Variants in URI1 observed in about 807,000 individuals in gnomAD.
The protein encoded by URI1 is URI1 prefoldin like chaperone, also known as unconventional prefoldin RPB5 interactor 1.
Under a neutral mutation model 60.2 loss-of-function variants are expected in URI1, and 39 were observed. That is an observed-to-expected ratio of 0.65 (90% CI 0.50 to 0.85). URI1 has a LOEUF of 0.85. Among genes scored for constraint, URI1 ranks in the 40% least tolerant of loss-of-function variants. The probability of loss-of-function intolerance (pLI) is 0.00; values close to 1 mark genes in which losing one functional copy is unlikely to be tolerated. For missense variants in URI1, 691 were observed against 665.9 expected, an observed-to-expected ratio of 1.04 and a Z score of -0.42; for synonymous variants, 251 against 236.8, an observed-to-expected ratio of 1.06 and a Z score of -0.55.
upstream of URI1, among the ~76,000 whole-genome samples, chr19:29,938,914 G>A (rs2145211635): frequency 6.6e-6 from 1 of 151,086 alleles, no homozygotes; most frequent in Admixed American, 6.6e-5. Context: ...CTGACCTCAG[G>A]ATCTGCCCAC....
upstream of URI1, chr19:29,937,883 G>C (rs2054987197): frequency 6.6e-6 from 1 of 152,158 alleles, no homozygotes; most frequent in South Asian, 2.1e-4. Context: ...CTCATGGTAG[G>C]GTGAGGGCTG....
At chr19:29,939,791 C>A (rs949011202), upstream of URI1, among the ~76,000 whole-genome samples, 5 of 152,116 alleles carry the variant, frequency 3.3e-5, no homozygotes, top group Admixed American at 2.0e-4. Context: ...TGCAAAGGCC[C>A]TGAGGCAGGA....
intron 4 of URI1, among the ~76,000 whole-genome samples, chr19:29,996,258 TTG>T (rs1198326195): frequency 4.6e-5 from 7 of 152,218 alleles, no homozygotes; most frequent in Non-Finnish European, 8.8e-5. Flanking sequence ...ATCTATTTAT[TTG>T]TGTCTTATTT....
At chr19:29,938,987 T>TA, upstream of URI1, among the ~76,000 whole-genome samples, 1 of 150,164 alleles carries the variant, frequency 6.7e-6, no homozygotes, top group South Asian at 2.1e-4. Flanking sequence ...ACCATTTTTT[T>TA]TTTTTTCTGA....
intron 4 of URI1, among the ~76,000 whole-genome samples, chr19:29,994,941 C>A (rs79965439): frequency 6.6e-6 from 1 of 151,868 alleles, no homozygotes; most frequent in Non-Finnish European, 1.5e-5. Context: ...CCACCATGCC[C>A]GACTAATTTT....
At chr19:29,944,644 TTGAC>T (rs773438647) in intron 1 of URI1, among the ~76,000 whole-genome samples, 43 of 152,288 alleles carry the variant, frequency 2.8e-4, no homozygotes, top group East Asian at 2.5e-3. Context: ...TCTGTAGACA[TTGAC>T]TGTGCTACCA....
At chr19:30,003,893 A>G (rs1299897622) in intron 4 of URI1, among the ~76,000 whole-genome samples, 1 of 152,082 alleles carries the variant, frequency 6.6e-6, no homozygotes. Flanking sequence ...GGTTAGACAC[A>G]TTATCTGACT....
intron 2 of URI1, among the ~76,000 whole-genome samples, chr19:29,973,060 A>G (rs2055478395): frequency 6.6e-6 from 1 of 152,150 alleles, no homozygotes; most frequent in Non-Finnish European, 1.5e-5. Flanking sequence ...CCAGTAAATT[A>G]ATCAATTCAT....
chr19:29,928,302 C>T (rs764408492), intron 1 of URI1, among the ~76,000 whole-genome samples: 1 of 152,106 alleles, frequency 6.6e-6, no homozygotes, highest in Non-Finnish European at 1.5e-5. Flanking sequence ...AACTTCCCAC[C>T]GCCCAGGTCA....
chr19:30,013,639 G>C (rs573354805), intron 10 of URI1, among the ~76,000 whole-genome samples: 1 of 152,254 alleles, frequency 6.6e-6, no homozygotes, highest in Non-Finnish European at 1.5e-5. Context: ...GTATGGAAAT[G>C]TTTAATAGTA....
chr19:29,934,581 G>A (rs1273856103), intron 1 of URI1, among the ~76,000 whole-genome samples: 1 of 152,158 alleles, frequency 6.6e-6, no homozygotes, highest in Non-Finnish European at 1.5e-5. Context: ...TGTAGCCCAG[G>A]CTGTAGTGCA....
intron 2 of URI1, among the ~76,000 whole-genome samples, chr19:29,984,224 G>A (rs2055633178): frequency 1.3e-5 from 2 of 152,078 alleles, no homozygotes; most frequent in South Asian, 2.1e-4. Context: ...CCAGGAGTTC[G>A]AGACCAGCCT....
intron 2 of URI1, among the ~76,000 whole-genome samples, chr19:29,973,799 T>G (rs2055488434): frequency 6.6e-6 from 1 of 152,162 alleles, no homozygotes; most frequent in Admixed American, 6.5e-5. Context: ...AAGGAAAGAT[T>G]CAAGCCTATT....
chr19:29,976,502 C>T (rs1599692708), intron 2 of URI1, among the ~76,000 whole-genome samples: 3 of 152,122 alleles, frequency 2.0e-5, no homozygotes, highest in Non-Finnish European at 4.4e-5. Flanking sequence ...TGCAAGGCCA[C>T]GTTATGTTGG....
At chr19:29,946,466 A>G (rs1474356240) in intron 1 of URI1, among the ~76,000 whole-genome samples, 1 of 152,200 alleles carries the variant, frequency 6.6e-6, no homozygotes. Flanking sequence ...TGGTGGATCC[A>G]GTATCGTTTT....
At chr19:29,956,285 CT>C (rs369678110) in intron 1 of URI1, 48,615 of 369,776 alleles carry the variant, frequency 0.13, 69 homozygotes, top group South Asian at 0.19. Context: ...CCAGAGTAGT[CT>C]TTTTTTTTTT....
intron 4 of URI1, among the ~76,000 whole-genome samples, chr19:29,987,957 C>T (rs1018626166): frequency 2.0e-5 from 3 of 152,094 alleles, no homozygotes; most frequent in Admixed American, 6.5e-5. Context: ...CACCTGAGGT[C>T]AGGAGTCCGA....
chr19:29,972,412 C>T (rs2055471162), intron 2 of URI1, among the ~76,000 whole-genome samples: 1 of 152,160 alleles, frequency 6.6e-6, no homozygotes, highest in African/African-American at 2.4e-5. Flanking sequence ...AATTTTTTCC[C>T]CTGCACATTT....
intron 1 of URI1, 152 bp from the exon 2 acceptor site, chr19:29,971,041 C>A: frequency 1.4e-6 from 1 of 693,920 alleles, no homozygotes; most frequent in Non-Finnish European, 2.5e-6. Context: ...TAAAAACTAA[C>A]GTTCACATCT....
Sources: gnomAD v4.1 joint callset for allele counts (sites outside exome capture counted in the v4.1 genomes callset) on GRCh38, gnomAD v4.1.1 for gene constraint, MANE v1.5 for transcripts, NCBI Gene and HGNC (gene_info 2026-07-23, HGNC 2026-07-21) for gene names.